The following NBEA variants were observed in gnomAD, a reference collection of about 807,000 sequenced individuals.
NBEA encodes the protein lysosomal-trafficking regulator 2.
Under a neutral mutation model 343.4 loss-of-function variants are expected in NBEA, and 44 were observed. The ratio of observed to expected loss-of-function variants is 0.13; its 90% CI spans 0.10 to 0.16. The LOEUF (loss-of-function observed/expected upper bound fraction) is 0.16. NBEA is among the 10% of genes least tolerant of loss of function. The pLI, the probability that NBEA is intolerant of heterozygous loss-of-function variation, is 1.00. For missense variants in NBEA, 2,555 were observed against 3,631.3 expected (o/e 0.70, Z 7.62); for synonymous variants, 1,175 against 1,238.7 (o/e 0.95, Z 1.08).
chr13:35,491,071 A>G (rs1013148914), intron 41 of NBEA, among the ~76,000 whole-genome samples: 6 of 151,960 alleles, frequency 3.9e-5, no homozygotes, highest in African/African-American at 1.4e-4. Flanking sequence ...ATATTACCCA[A>G]GACCACACAG....
intron 38 of NBEA, among the ~76,000 whole-genome samples, chr13:35,384,934 A>C (rs2042174356): frequency 6.6e-6 from 1 of 152,204 alleles, no homozygotes; most frequent in African/African-American, 2.4e-5. Context: ...AGTTCAGCTG[A>C]GGATCACCAA....
chr13:35,026,108 A>G (rs1203672949), intron 1 of NBEA, among the ~76,000 whole-genome samples: 6 of 152,160 alleles, frequency 3.9e-5, no homozygotes, highest in African/African-American at 1.4e-4. Flanking sequence ...TGCTGTTCTC[A>G]TGATAGTGAG....
chr13:35,247,902 A>G (rs1221466005), intron 34 of NBEA, among the ~76,000 whole-genome samples: 2 of 152,208 alleles, frequency 1.3e-5, no homozygotes, highest in Non-Finnish European at 2.9e-5. Context: ...AGATTCAAAT[A>G]AAGTAAAAAA....
intron 41 of NBEA, chr13:35,475,549 G>T: frequency 6.2e-7 from 1 of 1,613,302 alleles, no homozygotes; most frequent in Non-Finnish European, 8.5e-7. Flanking sequence ...CACCCGGTTG[G>T]GTCCCGGCCA....
chr13:35,269,268 A>G (rs1333442780), intron 34 of NBEA, among the ~76,000 whole-genome samples: 2 of 152,176 alleles, frequency 1.3e-5, no homozygotes, highest in Non-Finnish European at 2.9e-5. Context: ...ATCTGTTAAT[A>G]TTCAATACCT....
chr13:35,213,405 C>T (rs993985583), intron 33 of NBEA, among the ~76,000 whole-genome samples: 4 of 150,842 alleles, frequency 2.7e-5, no homozygotes, highest in African/African-American at 7.3e-5. Flanking sequence ...TATTTTTCCT[C>T]AAGAAAGTCT....
chr13:35,174,739 CAGAT>C (rs2070742584), intron 27 of NBEA, among the ~76,000 whole-genome samples: 1 of 151,782 alleles, frequency 6.6e-6, no homozygotes, highest in Non-Finnish European at 1.5e-5. Context: ...GCATAGTAGA[CAGAT>C]AGGTACTTGA....
chr13:35,634,605 A>G (rs1345637871), intron 49 of NBEA, among the ~76,000 whole-genome samples: 3 of 152,222 alleles, frequency 2.0e-5, no homozygotes, highest in African/African-American at 7.2e-5. Flanking sequence ...GGTGAGAGGT[A>G]TGCACATAAG....
chr13:35,335,340 A>G (rs1270006236), intron 36 of NBEA, among the ~76,000 whole-genome samples: 5 of 152,118 alleles, frequency 3.3e-5, no homozygotes, highest in Non-Finnish European at 7.4e-5. Flanking sequence ...TGGTGATTCC[A>G]TGTAAATTTG....
chr13:35,107,359 G>C (rs1665429523), intron 11 of NBEA, among the ~76,000 whole-genome samples: 1 of 151,686 alleles, frequency 6.6e-6, no homozygotes, highest in South Asian at 2.1e-4. Context: ...TATGTACTAA[G>C]GTTTGGTTTG....
intron 46 of NBEA, among the ~76,000 whole-genome samples, chr13:35,592,843 C>T (rs2081597506): frequency 9.3e-6 from 1 of 107,624 alleles, no homozygotes; most frequent in Admixed American, 1.1e-4. Context: ...AGTACTAATA[C>T]TTTCGTAGTC....
chr13:35,030,602 C>G (rs2062175359), intron 1 of NBEA, among the ~76,000 whole-genome samples: 1 of 151,616 alleles, frequency 6.6e-6, no homozygotes, highest in Non-Finnish European at 1.5e-5. Context: ...AAGGTCAACT[C>G]TTTTTACTTA....
intron 36 of NBEA, among the ~76,000 whole-genome samples, chr13:35,331,010 C>T (rs1261778588): frequency 6.6e-6 from 1 of 151,938 alleles, no homozygotes; most frequent in Non-Finnish European, 1.5e-5. Flanking sequence ...TGGCAGACTA[C>T]AAATCTAGAT....
chr13:35,041,477 T>C (rs2062647435), intron 2 of NBEA, among the ~76,000 whole-genome samples: 1 of 152,042 alleles, frequency 6.6e-6, no homozygotes, highest in Non-Finnish European at 1.5e-5. Flanking sequence ...ATTAAGCTTT[T>C]ACATAATTAA....
intron 36 of NBEA, among the ~76,000 whole-genome samples, chr13:35,320,636 T>C (rs2038069555): frequency 6.6e-6 from 1 of 152,186 alleles, no homozygotes; most frequent in Admixed American, 6.5e-5. Context: ...ATTTGAATAT[T>C]GGCCTGTCTT....
chr13:35,283,860 A>T (rs751288325), intron 34 of NBEA, among the ~76,000 whole-genome samples: 45 of 152,210 alleles, frequency 3.0e-4, no homozygotes, highest in Non-Finnish European at 6.0e-4. Context: ...AGTATCATGG[A>T]TGTACAGCTG....
intron 31 of NBEA, among the ~76,000 whole-genome samples, chr13:35,203,343 A>G (rs1428668528): frequency 6.6e-6 from 1 of 152,132 alleles, no homozygotes; most frequent in African/African-American, 2.4e-5. Flanking sequence ...TCTTCTCTAG[A>G]TAGCCTCCTG....
intron 10 of NBEA, among the ~76,000 whole-genome samples, chr13:35,081,360 A>G (rs976716065): frequency 6.6e-6 from 1 of 152,184 alleles, no homozygotes; most frequent in African/African-American, 2.4e-5. Flanking sequence ...ATCTTTATTA[A>G]TGGGCAACCA....
intron 34 of NBEA, among the ~76,000 whole-genome samples, chr13:35,246,560 G>C (rs997821960): frequency 6.6e-6 from 1 of 152,002 alleles, no homozygotes; most frequent in Non-Finnish European, 1.5e-5. Flanking sequence ...TTTCCCTCTG[G>C]ATCCAGCCAC....
Sources: allele counts gnomAD v4.1 joint callset (sites outside exome capture counted in the v4.1 genomes callset), GRCh38; gene constraint gnomAD v4.1.1; transcripts MANE v1.5; gene names NCBI Gene and HGNC (gene_info 2026-07-23, HGNC 2026-07-21).